CRMP1: variants seen among roughly 807,000 people sequenced by gnomAD.
The protein encoded by CRMP1 is dihydropyrimidinase-related protein 1.
In CRMP1, 19 loss-of-function variants were observed where a neutral mutation model predicts 68.3. The observed-to-expected ratio is 0.28, with a 90% CI of 0.19 to 0.41. The LOEUF is 0.41. Ranked by LOEUF, CRMP1 falls within the 10% of genes least tolerant of loss-of-function variation. CRMP1 has a pLI of 1.00. For missense variants in CRMP1, 791 were observed against 967.4 expected (o/e 0.82, Z 2.42); for synonymous variants, 439 against 399.6 (o/e 1.10, Z -1.18).
At chr4:5,868,290 T>TATATATAG (rs1714174081) in intron 1 of CRMP1, among the ~76,000 whole-genome samples, 1 of 131,396 alleles carries the variant, frequency 7.6e-6, no homozygotes, top group African/African-American at 3.3e-5. Context: ...TATATATATA[T>TATATATAG]ATATATATAT....
In CRMP1 at chr4:5,829,853, C is replaced by A. The variant is rs1190915047; in HGVS notation, c.1624-1185G>T. On this transcript the variant is annotated intron_variant, in intron 11 of 13. Transcript: ENST00000324989. ...AAAACTGCTGAAACAGACTTTGCAT[C>A]CACAGTCTGCACACGTGAACATGTT... is the stretch of plus-strand genomic sequence containing the variant. 2.0e-5 allele frequency among the ~76,000 whole-genome samples: 3 copies of A among 152,214 alleles called. No homozygotes were observed. The East Asian group carries it at 5.8e-4, about 29-fold the overall frequency.
chr4:5,887,368 C>T, intron 1 of CRMP1: 6 of 985,706 alleles, frequency 6.1e-6, no homozygotes, highest in Non-Finnish European at 7.2e-6. Context: ...CGCCTCCCGG[C>T]CCCGGGCTGC....
At position 5,841,463 on chromosome 4, in the gene CRMP1, G is replaced by A. The variant is rs1354164787; in HGVS notation, c.1033-35C>T. 2.5e-6 allele frequency: 4 copies of A among 1,611,508 alleles called. No individual in the cohort carries two copies. The highest frequency in any genetic ancestry group is 3.4e-6 in the Non-Finnish European group (4 of 1,177,966). ...GCACACACAGTGTCACAGGAGGGAA[G>A]GCTGGTGTAACAGCTACCACCCATC... On this transcript the variant is annotated intron_variant, in intron 7 of 13. Coordinates refer to ENST00000324989, the MANE Select transcript of CRMP1 (RefSeq NM_001014809.3). The surrounding 1 kb of genome is among the most constrained non-coding windows in gnomAD (Gnocchi z 6.9).
chr4:5,821,925 ACT>A lies in CRMP1; in HGVS notation c.1970-76_1970-75del, dbSNP rs1718649394. ...TCCACGCTGCTCCTGGAGGCCATGT[ACT>A]CTGCCATGCACTCCACTGGACCCAC... On this transcript the variant is annotated intron_variant, in intron 13 of 13. Transcript: ENST00000324989. The surrounding 1 kb of genome is among the most constrained non-coding windows in gnomAD (Gnocchi z 4.4). 1 of 1,386,784 alleles carries A rather than the reference ACT, an allele frequency of 7.2e-7. No homozygotes were observed. Among genetic ancestry groups the A allele is most frequent in the South Asian group, 1.3e-5 (1 of 78,812 alleles). 85.9% of individuals were successfully genotyped at this position (1,386,784 alleles called of 1,614,324 possible).
In CRMP1 at chr4:5,877,386, C is replaced by A. The variant is rs548881025; in HGVS notation, c.382-10630G>T. On this transcript the variant is annotated intron_variant, in intron 1 of 13. Coordinates refer to ENST00000324989, the MANE Select transcript of CRMP1 (RefSeq NM_001014809.3). The surrounding 1 kb of genome is among the most constrained non-coding windows in gnomAD (Gnocchi z 4.3). ...GGTTTTATAGCTCAAATACGTCAAA[C>A]TTCCATGACTTGGTCCCTACCTTGA... 6.6e-6 allele frequency among the ~76,000 whole-genome samples: 1 copy of A among 152,206 alleles called. No homozygotes were observed. Among genetic ancestry groups the A allele is most frequent in the South Asian group, 2.1e-4 (1 of 4,832 alleles).
intron 1 of CRMP1, among the ~76,000 whole-genome samples, chr4:5,871,439 T>C (rs945123203): frequency 2.2e-4 from 34 of 152,136 alleles, no homozygotes; most frequent in African/African-American, 7.7e-4. Flanking sequence ...GGTGGGCGGA[T>C]CACGAGGTCA....
chr4:5,872,885 G>A lies in CRMP1; in HGVS notation c.382-6129C>T, dbSNP rs994362938. On this transcript the variant is annotated intron_variant, in intron 1 of 13. Coordinates refer to ENST00000324989, the MANE Select transcript of CRMP1 (RefSeq NM_001014809.3). The surrounding 1 kb of genome is among the most constrained non-coding windows in gnomAD (Gnocchi z 4.6). Reference sequence around the variant, plus strand: ...GCAAAACGTCCACACTCAGACAGAGGTGGGCTTGGATCCTGACTTCACTTA... The same window carrying A: ...GCAAAACGTCCACACTCAGACAGAGATGGGCTTGGATCCTGACTTCACTTA... 6.6e-6 allele frequency among the ~76,000 whole-genome samples: 1 copy of A among 152,144 alleles called. No individual in the cohort carries two copies. Among genetic ancestry groups the A allele is most frequent in the South Asian group, 2.1e-4 (1 of 4,830 alleles).
chr4:5,839,754 A>G, intron 8 of CRMP1, 76 bp from the exon 9 acceptor site: 1 of 1,469,682 alleles, frequency 6.8e-7, no homozygotes, highest in South Asian at 1.3e-5. Flanking sequence ...CAAAATTGGA[A>G]GACTGTGGAG....
Position 5,849,926 on chromosome 4 carries a change from A to G in CRMP1, c.883-454T>C, listed in dbSNP as rs539588375. Among the ~76,000 whole-genome samples the G allele has an allele frequency of 5.3e-5, 8 of 152,330 alleles. No individual in the cohort carries two copies. In the East Asian group the frequency reaches 1.5e-3, roughly 29 times the overall value. ...CCACAGAATATGTGTGCATCCTTAC[A>G]AAAATATGAACCCATGCCATTTTAT... On this transcript the variant is annotated intron_variant, in intron 5 of 13. Coordinates refer to ENST00000324989, the MANE Select transcript of CRMP1 (RefSeq NM_001014809.3).
intron 1 of CRMP1, among the ~76,000 whole-genome samples, chr4:5,884,675 C>T (rs1231257914): frequency 6.6e-6 from 1 of 152,122 alleles, no homozygotes; most frequent in African/African-American, 2.4e-5. Context: ...CAGTTCTGTG[C>T]ATAGAACTAG....
At chr4:5,878,112 G>A (rs1714969860) in intron 1 of CRMP1, among the ~76,000 whole-genome samples, 1 of 152,120 alleles carries the variant, frequency 6.6e-6, no homozygotes, top group African/African-American at 2.4e-5. Flanking sequence ...CTTAAAAGTG[G>A]GAATAAGTAT....
Position 5,841,449 on chromosome 4 carries a change from G to A in CRMP1, c.1033-21C>T. On this transcript the variant is annotated intron_variant, in intron 7 of 13. Coordinates refer to ENST00000324989, the MANE Select transcript of CRMP1 (RefSeq NM_001014809.3). The surrounding 1 kb of genome is among the most constrained non-coding windows in gnomAD (Gnocchi z 6.9). ...TCCAGCTGAACACGGCACACACAGT[G>A]TCACAGGAGGGAAGGCTGGTGTAAC... is the stretch of plus-strand genomic sequence containing the variant. 2 of 1,612,670 alleles carry A rather than the reference G, an allele frequency of 1.2e-6. No individual in the cohort carries two copies. The highest frequency in any genetic ancestry group is 1.7e-6 in the Non-Finnish European group (2 of 1,178,804).
intron 2 of CRMP1, among the ~76,000 whole-genome samples, chr4:5,862,292 A>G (rs889970272): frequency 3.4e-5 from 5 of 147,396 alleles, no homozygotes; most frequent in African/African-American, 1.3e-4. Context: ...GTCCACTGCC[A>G]TTGCTTATAA....
At position 5,854,753 on chromosome 4, in the gene CRMP1, G is replaced by T. The variant is rs1312541095; in HGVS notation, c.820+1390C>A. Among the ~76,000 whole-genome samples, 5 of 152,194 alleles carry T rather than the reference G, an allele frequency of 3.3e-5. No homozygotes were observed. The highest frequency in any genetic ancestry group is 1.2e-4 in the African/African-American group (5 of 41,454). ...CATAGAAGCAATAATGCCCAATGGT[G>T]CAAAGGTGCAGGGACTAGAGATTCT... is the stretch of plus-strand genomic sequence containing the variant. On this transcript the variant is annotated intron_variant, in intron 4 of 13. Coordinates refer to ENST00000324989, the MANE Select transcript of CRMP1 (RefSeq NM_001014809.3). The surrounding 1 kb of genome is among the most constrained non-coding windows in gnomAD (Gnocchi z 4.0).
chr4:5,875,896 T>C (rs1714779067), intron 1 of CRMP1, among the ~76,000 whole-genome samples: 1 of 152,166 alleles, frequency 6.6e-6, no homozygotes, highest in Non-Finnish European at 1.5e-5. Flanking sequence ...CTCACACCTG[T>C]AATCCCAGCA....
Position 5,865,271 on chromosome 4 carries a change from C to T in CRMP1, c.470+1397G>A, listed in dbSNP as rs913449578. 5.3e-5 allele frequency among the ~76,000 whole-genome samples: 8 copies of T among 152,034 alleles called. No individual in the cohort carries two copies. Among genetic ancestry groups the T allele is most frequent in the Non-Finnish European group, 1.5e-5 (1 of 68,018 alleles). ...TCAAGGGAAGAGGCTGAGCACCCAGCAAATCCAGGTTACAACTCACAGAAA... is the reference window on the plus strand; with the variant it reads ...TCAAGGGAAGAGGCTGAGCACCCAGTAAATCCAGGTTACAACTCACAGAAA... On this transcript the variant is annotated intron_variant, in intron 2 of 13. Transcript: ENST00000324989. This position sits in a 1 kb window ranked among gnomAD's most constrained non-coding sequence, Gnocchi z 4.1.
chr4:5,839,501 C>A, intron 9 of CRMP1, 21 bp downstream of exon 9: 1 of 1,593,266 alleles, frequency 6.3e-7, no homozygotes, highest in East Asian at 2.3e-5. Flanking sequence ...TCCCCCAGCC[C>A]CACGTTCTCA....
rs1424339270 is a variant in CRMP1 at position 5,870,051 on chromosome 4, T to C, written c.382-3295A>G. Among the ~76,000 whole-genome samples the C allele has an allele frequency of 1.3e-5, 2 of 152,172 alleles. No individual in the cohort carries two copies. Among genetic ancestry groups the C allele is most frequent in the African/African-American group, 4.8e-5 (2 of 41,454 alleles). ...AAACTAAGGCATCAGAAACACATCA[T>C]GCAGTCGGCTGCTCAAAGCTTCTTG... On this transcript the variant is annotated intron_variant, in intron 1 of 13. Coordinates refer to ENST00000324989, the MANE Select transcript of CRMP1 (RefSeq NM_001014809.3). This position sits in a 1 kb window ranked among gnomAD's most constrained non-coding sequence, Gnocchi z 6.0.
chr4:5,847,803 T>C (rs1712331264), intron 6 of CRMP1, among the ~76,000 whole-genome samples: 1 of 152,224 alleles, frequency 6.6e-6, no homozygotes, highest in Non-Finnish European at 1.5e-5. Flanking sequence ...TCAGTTTCCC[T>C]ATCTATAAAA....
Sources: allele counts gnomAD v4.1 joint callset (sites outside exome capture counted in the v4.1 genomes callset), GRCh38; gene constraint gnomAD v4.1.1; non-coding constraint Gnocchi (gnomAD v3.1); transcripts MANE v1.5; gene names NCBI Gene and HGNC (gene_info 2026-07-23, HGNC 2026-07-21).